SPEG: variants seen among roughly 807,000 people sequenced by gnomAD.
SPEG encodes striated muscle preferentially expressed protein kinase.
Under a neutral mutation model 300.4 loss-of-function variants are expected in SPEG, and 114 were observed. The ratio of observed to expected loss-of-function variants is 0.38; its 90% CI spans 0.33 to 0.44. The LOEUF is 0.44. SPEG is among the 20% of genes least tolerant of loss of function. SPEG has a pLI of 1.00. For missense variants in SPEG, 4,201 were observed against 4,586.2 expected (o/e 0.92, Z 2.43); for synonymous variants, 1,964 against 2,018.9 (o/e 0.97, Z 0.73).
Position 219,459,156 on chromosome 2 carries a change from A to AT in SPEG, c.2441-2724dup, listed in dbSNP as rs1389841999. 6.6e-6 allele frequency among the ~76,000 whole-genome samples: 1 copy of AT among 151,954 alleles called. No individual in the cohort carries two copies. The highest frequency in any genetic ancestry group is 2.4e-5 in the African/African-American group (1 of 41,346). The stretch of plus-strand genomic sequence containing the variant: ...CATGAGCATGGGGTCAGCGTGGGGG[A>AT]TTGGGAGCCAGTGTGAAGGGGCGGT... On this transcript the variant is annotated intron_variant, in intron 6 of 40. Coordinates refer to ENST00000312358, the MANE Select transcript of SPEG (RefSeq NM_005876.5). This position sits in a 1 kb window ranked among gnomAD's most constrained non-coding sequence, Gnocchi z 4.9.
Position 219,484,187 on chromosome 2 carries a change from C to T in SPEG, c.6724C>T (p.Leu2242Phe), listed in dbSNP as rs1039543948. ...PQALQTLALP[L>F]TPYAQIIQSL... The stretch of plus-strand genomic sequence containing the variant: ...GGCCCTGCAAACCCTAGCGCTGCCC[C>T]TCACACCCTATGCTCAGATCATTCA... Residue 2242 changes from leucine (L) to phenylalanine (F), a missense_variant, in exon 30 of 41, where the codon CTC (leucine) becomes TTC (phenylalanine). Leu to Phe is a conservative substitution (Grantham distance 22). Coordinates refer to ENST00000312358, the MANE Select transcript of SPEG (RefSeq NM_005876.5). The T allele has an allele frequency of 6.2e-7, 1 of 1,613,444 alleles. No individual in the cohort carries two copies. The highest frequency in any genetic ancestry group is 8.5e-7 in the Non-Finnish European group (1 of 1,179,966).
chr2:219,474,872 T>C (rs1365013348), intron 18 of SPEG, among the ~76,000 whole-genome samples: 2 of 142,156 alleles, frequency 1.4e-5, no homozygotes, highest in African/African-American at 5.2e-5. Context: ...AACCTCCACC[T>C]CCCAGGTTCG....
At chr2:219,483,022 A>C in intron 29 of SPEG, 76 bp from the exon 30 acceptor site, 1 of 1,498,894 alleles carries the variant, frequency 6.7e-7, no homozygotes, top group South Asian at 1.2e-5. Flanking sequence ...CCTCTTCCCC[A>C]GGGCTGAGGT....
At position 219,473,589 on chromosome 2, in the gene SPEG, C is replaced by T. The variant is rs754549869; in HGVS notation, c.4233C>T (p.Val1411=). ...VVEGQPASVT[V]TFNHVEAQVV... is the part of the protein sequence containing the mutation. Reference sequence around the variant, plus strand: ...AGGGACAGCCTGCCAGCGTCACCGTCACATTCAACCATGTGGAGGCCCAGG... The same window carrying T: ...AGGGACAGCCTGCCAGCGTCACCGTTACATTCAACCATGTGGAGGCCCAGG... Residue 1411 remains valine (V), a synonymous_variant, in exon 17 of 41, where the codon GTC becomes GTT. Transcript: ENST00000312358. The surrounding 1 kb of genome is among the most constrained non-coding windows in gnomAD (Gnocchi z 4.6). 5 of 1,614,114 alleles carry T rather than the reference C, an allele frequency of 3.1e-6. No individual in the cohort carries two copies. The highest frequency in any genetic ancestry group is 2.7e-5 in the African/African-American group (2 of 74,956).
rs1012960334 is a variant in SPEG, at chr2:219,439,224, C to T, written c.388+3859C>T. 1.3e-5 allele frequency among the ~76,000 whole-genome samples: 2 copies of T among 152,122 alleles called. No homozygotes were observed. The highest frequency in any genetic ancestry group is 6.5e-5 in the Admixed American group (1 of 15,278). On this transcript the variant is annotated intron_variant, in intron 1 of 40. Transcript: ENST00000312358. This position sits in a 1 kb window ranked among gnomAD's most constrained non-coding sequence, Gnocchi z 4.5. ...CCGTTGCAGGAAGATTTACTGTCCCCGTTCCCATCACTGCTTACCCTCTCC... is the reference window on the plus strand; with the variant it reads ...CCGTTGCAGGAAGATTTACTGTCCCTGTTCCCATCACTGCTTACCCTCTCC...
Position 219,485,387 on chromosome 2 carries a change from C to T in SPEG, c.7651C>T (p.Arg2551Trp). 2 of 1,607,790 alleles carry T rather than the reference C, an allele frequency of 1.2e-6. No individual in the cohort carries two copies. Among genetic ancestry groups the T allele is most frequent in the Non-Finnish European group, 1.7e-6 (2 of 1,177,518 alleles). ...AAGCCGGCTCCGCTGGGGCTTCTCT[C>T]GGCCGCGGAAGGACAAGGGGTTATC... Reference protein sequence around the residue: ...SRSRLRWGFSRPRKDKGLSPP... With the variant: ...SRSRLRWGFSWPRKDKGLSPP... Residue 2551 changes from arginine (R) to tryptophan (W), a missense_variant, in exon 31 of 41, where the codon CGG (arginine) becomes TGG (tryptophan). Around this residue, in one of 4 missense-constraint regions of SPEG, gnomAD observed 1,578 missense variants for 1,506.0 expected, o/e 1.05. Coordinates refer to ENST00000312358, the MANE Select transcript of SPEG (RefSeq NM_005876.5).
rs1694138811 is a variant in SPEG, at chr2:219,493,344, C to T, written c.*558C>T. 2.8e-6 allele frequency: 1 copy of T among 357,222 alleles called. No homozygotes were observed. Among genetic ancestry groups the T allele is most frequent in the South Asian group, 2.1e-5 (1 of 47,784 alleles). 22.1% of individuals were successfully genotyped at this position (357,222 alleles called of 1,614,324 possible). A position where few individuals can be genotyped will look rare whatever the true frequency, so the allele number is the denominator to read the frequency against. ...GGAGGTGGGGTGGGTCAGCTGTCAGCATCCCTCAGAGGAGAAATGTGGAGA... is the reference window on the plus strand; with the variant it reads ...GGAGGTGGGGTGGGTCAGCTGTCAGTATCCCTCAGAGGAGAAATGTGGAGA... On this transcript the variant is annotated 3_prime_UTR_variant, in exon 41 of 41. Transcript: ENST00000312358.
rs1194239549 is a variant in SPEG at position 219,435,238 on chromosome 2, C to T, written c.261C>T (p.Ala87=). The change falls in exon 1 of 41, where the codon GCC becomes GCT. Residue 87 remains alanine, a synonymous_variant. Coordinates refer to ENST00000312358, the MANE Select transcript of SPEG (RefSeq NM_005876.5). Reference sequence around the variant, plus strand: ...ATGGGCAGCTCCTGCCCGCGCCGGCCCCCGAGCCCAGCTGCCTGTGGCTGC... The same window carrying T: ...ATGGGCAGCTCCTGCCCGCGCCGGCTCCCGAGCCCAGCTGCCTGTGGCTGC... ...FRDGQLLPAP[A]PEPSCLWLRR... 3 of 1,477,854 alleles carry T rather than the reference C, an allele frequency of 2.0e-6. No homozygotes were observed. The highest frequency in any genetic ancestry group is 2.7e-6 in the Non-Finnish European group (3 of 1,124,488). The allele number at this position is 1,477,854 out of a possible 1,614,324, so 91.5% of individuals were successfully genotyped here.
chr2:219,476,963 C>G lies in SPEG; in HGVS notation c.4541C>G (p.Pro1514Arg), dbSNP rs1692401310. ...GTGGTGGTCGAGGGAAAACCACTGCCGGACATCATGTGGTACAAGGTCAGA... is the reference window on the plus strand; with the variant it reads ...GTGGTGGTCGAGGGAAAACCACTGCGGGACATCATGTGGTACAAGGTCAGA... ...FAVVVEGKPLPDIMWYKDEVL... is the reference protein window; with the variant it reads ...FAVVVEGKPLRDIMWYKDEVL... The change falls in exon 19 of 41, where the codon CCG (proline) becomes CGG (arginine). Residue 1514 changes from proline (P) to arginine (R), a missense_variant. By Grantham distance (103) the Pro-to-Arg change is moderately radical. Transcript: ENST00000312358. 1 of 1,610,420 alleles carries G rather than the reference C, an allele frequency of 6.2e-7. No individual in the cohort carries two copies. Among genetic ancestry groups the G allele is most frequent in the African/African-American group, 1.3e-5 (1 of 74,760 alleles).
rs771143603 is a variant in SPEG, at chr2:219,483,497, A to T, written c.6034A>T (p.Arg2012Trp). The T allele has an allele frequency of 7.0e-7, 1 of 1,432,450 alleles. No homozygotes were observed. The highest frequency in any genetic ancestry group is 9.1e-7 in the Non-Finnish European group (1 of 1,103,928). The allele number at this position is 1,432,450 out of a possible 1,614,324, so 88.7% of individuals were successfully genotyped here. Residue 2012 changes from arginine (R) to tryptophan (W), a missense_variant, in exon 30 of 41, where the codon AGG (arginine) becomes TGG (tryptophan). This residue lies in a region of SPEG where 1,578 missense variants were observed against 1,506.0 expected (regional missense o/e 1.05). Coordinates refer to ENST00000312358, the MANE Select transcript of SPEG (RefSeq NM_005876.5). ...GASPRRGELR[R>W]GSSAESALPR... ...TAGCCCCAGGCGGGGAGAGCTCCGC[A>T]GGGGCAGCTCGGCTGAGAGCGCCCT...
rs1359968361 is a variant in SPEG at position 219,488,832 on chromosome 2, C to T, written c.8081C>T (p.Ala2694Val). The change falls in exon 34 of 41, where the codon GCG becomes GTG. Residue 2694 changes from alanine to valine, a missense_variant. By Grantham distance (64) the Ala-to-Val change is moderately conservative. Around this residue, in one of 4 missense-constraint regions of SPEG, gnomAD observed 1,578 missense variants for 1,506.0 expected, o/e 1.05. Transcript: ENST00000312358. ...PEVPQTYQDT[A>V]LVLWKPGDSR... ...GTACCCCAGACCTACCAGGACACGG[C>T]GCTGGTGCTGTGGAAGCCGGGAGAC... The T allele has an allele frequency of 8.2e-6, 13 of 1,593,880 alleles. No homozygotes were observed. The East Asian group carries it at 9.0e-5, about 11-fold the overall frequency.
In SPEG at chr2:219,451,831, G is replaced by A. The variant is rs1278921844; in HGVS notation, c.2440+24G>A. 2 of 1,506,140 alleles carry A rather than the reference G, an allele frequency of 1.3e-6. No individual in the cohort carries two copies. Among genetic ancestry groups the A allele is most frequent in the Admixed American group, 4.1e-5 (2 of 48,486 alleles). The allele number at this position is 1,506,140 out of a possible 1,614,324, so 93.3% of individuals were successfully genotyped here. ...CGGTAGGGAGCCCATCAACCCTGGG[G>A]CTGGGTGGGGGCAAGCCGTGACTCT... On this transcript the variant is annotated intron_variant, in intron 6 of 40. Coordinates refer to ENST00000312358, the MANE Select transcript of SPEG (RefSeq NM_005876.5). This position sits in a 1 kb window ranked among gnomAD's most constrained non-coding sequence, Gnocchi z 6.4.
chr2:219,489,034 C>A lies in SPEG; in HGVS notation c.8150-20C>A, dbSNP rs376083022. ...GCCACCGCTTCTGTGACCTCAGCCCCTCCCCCATACTGCCTATAGGGGAGT... is the reference window on the plus strand; with the variant it reads ...GCCACCGCTTCTGTGACCTCAGCCCATCCCCCATACTGCCTATAGGGGAGT... On this transcript the variant is annotated intron_variant, in intron 34 of 40. Coordinates refer to ENST00000312358, the MANE Select transcript of SPEG (RefSeq NM_005876.5). 21 of 1,612,550 alleles carry A rather than the reference C, an allele frequency of 1.3e-5. No homozygotes were observed. In the African/African-American group the frequency reaches 2.5e-4, roughly 19 times the overall value.
In SPEG at chr2:219,484,386, G is replaced by A; in HGVS notation, c.6923G>A (p.Arg2308Gln). The A allele has an allele frequency of 6.2e-7, 1 of 1,608,814 alleles. No individual in the cohort carries two copies. Among genetic ancestry groups the A allele is most frequent in the East Asian group, 2.2e-5 (1 of 44,760 alleles). The change falls in exon 30 of 41, where the codon CGA becomes CAA. Residue 2308 changes from arginine (R) to glutamine (Q), a missense_variant. Physicochemically the swap from Arg to Gln is conservative, Grantham distance 43. Around this residue, in one of 4 missense-constraint regions of SPEG, gnomAD observed 1,578 missense variants for 1,506.0 expected, o/e 1.05. Coordinates refer to ENST00000312358, the MANE Select transcript of SPEG (RefSeq NM_005876.5). The part of the protein sequence containing the change: ...GGPPVLAEKA[R>Q]VPTVPPRPGS... ...CCCCCGGTGCTAGCCGAGAAAGCCCGAGTTCCCACGGTGCCCCCCAGGCCA... is the reference window on the plus strand; with the variant it reads ...CCCCCGGTGCTAGCCGAGAAAGCCCAAGTTCCCACGGTGCCCCCCAGGCCA...
At position 219,443,694 on chromosome 2, in the gene SPEG, C is replaced by T. The variant is rs1031184679; in HGVS notation, c.389-959C>T. 1 of 333,216 alleles carries T rather than the reference C, an allele frequency of 3.0e-6. No homozygotes were observed. The allele number at this position is 333,216 out of a possible 1,614,324, so 20.6% of individuals were successfully genotyped here. On this transcript the variant is annotated intron_variant, in intron 1 of 40. Transcript: ENST00000312358. This position sits in a 1 kb window ranked among gnomAD's most constrained non-coding sequence, Gnocchi z 4.6. ...GCAAATATTGTAATAGAGGGTGGGC[C>T]TGACTCCTAATGGGAGGCCCAGGTC...
In SPEG at chr2:219,484,972, C is replaced by T. The variant is rs1342133928; in HGVS notation, c.7509C>T (p.Arg2503=). 2 of 1,530,122 alleles carry T rather than the reference C, an allele frequency of 1.3e-6. No homozygotes were observed. Among genetic ancestry groups the T allele is most frequent in the Non-Finnish European group, 1.7e-6 (2 of 1,144,466 alleles). 94.8% of individuals were successfully genotyped at this position (1,530,122 alleles called of 1,614,324 possible). A position where few individuals can be genotyped will look rare whatever the true frequency, so the allele number is the denominator to read the frequency against. Residue 2503 remains arginine, a synonymous_variant, in exon 30 of 41, where the codon CGC becomes CGT. Coordinates refer to ENST00000312358, the MANE Select transcript of SPEG (RefSeq NM_005876.5). Reference sequence around the variant, plus strand: ...CGTCCGAGGGCGAGAGTCTGCGGCGCCTTGGCCTTCCGCACAACCAGTTGG... The same window carrying T: ...CGTCCGAGGGCGAGAGTCTGCGGCGTCTTGGCCTTCCGCACAACCAGTTGG... The part of the protein sequence containing the change: ...RATSEGESLR[R]LGLPHNQLAA...
At position 219,478,015 on chromosome 2, in the gene SPEG, C is replaced by T; in HGVS notation, c.4937C>T (p.Ala1646Val). 6.2e-7 allele frequency: 1 copy of T among 1,614,208 alleles called. No homozygotes were observed. The highest frequency in any genetic ancestry group is 2.2e-5 in the East Asian group (1 of 44,884). The part of the protein sequence containing the change: ...AKPKASARRE[A>V]RLLARLQHDC... ...CCAAAGGCATCAGCGCGTCGGGAGG[C>T]CCGGCTGCTGGCCAGGCTCCAGCAC... Residue 1646 changes from alanine (A) to valine (V), a missense_variant, in exon 22 of 41, where the codon GCC (alanine) becomes GTC (valine). Transcript: ENST00000312358.
chr2:219,470,879 C>G (rs986058387), intron 13 of SPEG, among the ~76,000 whole-genome samples: 2 of 152,162 alleles, frequency 1.3e-5, no homozygotes, highest in Admixed American at 6.5e-5. Context: ...GAAAGCATGT[C>G]AGGTACCTGG....
Position 219,484,678 on chromosome 2 carries a change from C to T in SPEG, c.7215C>T (p.Leu2405=), listed in dbSNP as rs1405469702. Reference sequence around the variant, plus strand: ...TCAGGGCTGTCGGAGAGCCTGGCCTCGTCCGCCGCCTCTCGCTGTCACTGT... The same window carrying T: ...TCAGGGCTGTCGGAGAGCCTGGCCTTGTCCGCCGCCTCTCGCTGTCACTGT... ...QDLRAVGEPG[L]VRRLSLSLSQ... Residue 2405 remains leucine (L), a synonymous_variant, in exon 30 of 41, where the codon CTC becomes CTT. Transcript: ENST00000312358. The T allele has an allele frequency of 1.1e-5, 16 of 1,520,244 alleles. 1 individual carries two copies. Among genetic ancestry groups the T allele is most frequent in the Middle Eastern group, 4.5e-4 (2 of 4,398 alleles). The allele number at this position is 1,520,244 out of a possible 1,614,324, so 94.2% of individuals were successfully genotyped here. A position where few individuals can be genotyped will look rare whatever the true frequency, so the allele number is the denominator to read the frequency against.
Sources: allele counts gnomAD v4.1 joint callset (sites outside exome capture counted in the v4.1 genomes callset), GRCh38; gene constraint gnomAD v4.1.1; regional missense constraint gnomAD v4.1.1; non-coding constraint Gnocchi (gnomAD v3.1); transcripts MANE v1.5; gene names NCBI Gene and HGNC (gene_info 2026-07-23, HGNC 2026-07-21).